The following LPP variants were observed in gnomAD, a reference collection of about 807,000 sequenced individuals.
The protein encoded by LPP is lipoma-preferred partner.
In LPP, 38 loss-of-function variants were observed where a neutral mutation model predicts 60.4. The observed-to-expected ratio is 0.63, with a 90% CI of 0.49 to 0.83. LPP has a LOEUF of 0.83. LPP is among the 40% of genes least tolerant of loss of function. The probability of loss-of-function intolerance (pLI) is 0.00; values close to 1 mark genes in which losing one functional copy is unlikely to be tolerated. For synonymous variants in LPP, 328 were observed against 290.8 expected (o/e 1.13, Z -1.30); for missense variants, 902 against 783.6 (o/e 1.15, Z -1.80).
At chr3:188,593,065 G>C (rs1296637233) in intron 6 of LPP, among the ~76,000 whole-genome samples, 1 of 151,744 alleles carries the variant, frequency 6.6e-6, no homozygotes, top group Non-Finnish European at 1.5e-5. Context: ...ATGTTTTTCT[G>C]ATTCATTTAT....
At chr3:188,588,677 T>C (rs7627364) in intron 6 of LPP, among the ~76,000 whole-genome samples, 148,830 of 152,322 alleles carry the variant, frequency 0.98, 72,799 homozygotes, top group Middle Eastern at 1. Context: ...ACTAGTAGAT[T>C]GTATGTACTA....
chr3:188,846,893 A>G (rs1480756189), intron 9 of LPP, among the ~76,000 whole-genome samples: 1 of 152,086 alleles, frequency 6.6e-6, no homozygotes, highest in East Asian at 1.9e-4. Context: ...GAGTTTATGA[A>G]CTTGCCTGTG....
chr3:188,694,493 G>A (rs1366510797), intron 7 of LPP, among the ~76,000 whole-genome samples: 1 of 151,874 alleles, frequency 6.6e-6, no homozygotes, highest in Non-Finnish European at 1.5e-5. Context: ...ACCTGAGGTT[G>A]GGAGTTGGAG....
intron 7 of LPP, among the ~76,000 whole-genome samples, chr3:188,638,907 G>A (rs1487497521): frequency 6.6e-6 from 1 of 152,156 alleles, no homozygotes; most frequent in African/African-American, 2.4e-5. Context: ...TCATGGATAA[G>A]AAGAATCAAT....
chr3:188,334,419 T>C (rs1351820251), intron 2 of LPP, among the ~76,000 whole-genome samples: 4 of 132,914 alleles, frequency 3.0e-5, no homozygotes, highest in African/African-American at 1.2e-4. Context: ...ACGATATTTC[T>C]TTCTTTTTTT....
At chr3:188,427,206 T>C (rs562286154) in intron 4 of LPP, among the ~76,000 whole-genome samples, 4 of 152,376 alleles carry the variant, frequency 2.6e-5, no homozygotes, top group African/African-American at 9.6e-5. Flanking sequence ...TCTTCTTCAC[T>C]TATGAAGCTT....
At chr3:188,492,908 T>A (rs1199670223) in intron 5 of LPP, among the ~76,000 whole-genome samples, 1 of 152,262 alleles carries the variant, frequency 6.6e-6, no homozygotes, top group Non-Finnish European at 1.5e-5. Context: ...GTAACATTTT[T>A]AACTTTATAG....
intron 9 of LPP, among the ~76,000 whole-genome samples, chr3:188,763,038 GA>G (rs1330326448): frequency 6.6e-6 from 1 of 152,098 alleles, no homozygotes; most frequent in Non-Finnish European, 1.5e-5. Flanking sequence ...TTGGGCAAAT[GA>G]AATAAAACAA....
At chr3:188,835,222 C>A (rs1467223935) in intron 9 of LPP, among the ~76,000 whole-genome samples, 5 of 151,274 alleles carry the variant, frequency 3.3e-5, no homozygotes, top group Non-Finnish European at 7.4e-5. Context: ...ATTTTGGAGG[C>A]CGAGGGGGGC....
chr3:188,425,748 G>A (rs1391319774), intron 4 of LPP, among the ~76,000 whole-genome samples: 1 of 151,814 alleles, frequency 6.6e-6, no homozygotes, highest in Non-Finnish European at 1.5e-5. Context: ...AGGTGTTTAT[G>A]GTATTATTTA....
chr3:188,883,234 A>T lies in LPP; in HGVS notation c.*8755A>T, dbSNP rs976270966. 9.3e-6 allele frequency: 2 copies of T among 214,154 alleles called. No homozygotes were observed. Among genetic ancestry groups the T allele is most frequent in the Admixed American group, 5.9e-5 (1 of 17,084 alleles). 13.3% of individuals were successfully genotyped at this position (214,154 alleles called of 1,614,324 possible). A position where few individuals can be genotyped will look rare whatever the true frequency, so the allele number is the denominator to read the frequency against. ...TTTGGGCATTGCATTACTTTTTTGA[A>T]TTTTTAAGAATCTCTAAAATTAGTC... On this transcript the variant is annotated 3_prime_UTR_variant, in exon 12 of 12. Coordinates refer to ENST00000617246, the MANE Select transcript of LPP (RefSeq NM_001375462.1).
chr3:188,563,546 A>G lies in LPP; in HGVS notation c.429+38759A>G, dbSNP rs187372129. On this transcript the variant is annotated intron_variant, in intron 6 of 11. Transcript: ENST00000617246. ...GGATCTTTTCATGTCAGTAAAAAGG[A>G]TTTGCCATACTATTTTTAATTCTGT... Among the ~76,000 whole-genome samples the G allele has an allele frequency of 4.0e-3, 586 of 148,262 alleles. 5 individuals are homozygous for G. The highest frequency in any genetic ancestry group is 7.2e-3 in the Middle Eastern group (2 of 276).
At chr3:188,406,782 C>T (rs993509518) in intron 4 of LPP, among the ~76,000 whole-genome samples, 3 of 152,182 alleles carry the variant, frequency 2.0e-5, no homozygotes, top group African/African-American at 4.8e-5. Context: ...TTTTTCTTCC[C>T]TTAGGCTGCT....
chr3:188,232,145 T>C (rs1720223094), intron 2 of LPP, among the ~76,000 whole-genome samples: 1 of 152,124 alleles, frequency 6.6e-6, no homozygotes, highest in African/African-American at 2.4e-5. Context: ...AGATGACAGG[T>C]TCCCTTAGAG....
intron 4 of LPP, among the ~76,000 whole-genome samples, chr3:188,450,928 G>A (rs1796445925): frequency 6.6e-6 from 1 of 152,080 alleles, no homozygotes; most frequent in South Asian, 2.1e-4. Flanking sequence ...ACTGTCGTGA[G>A]CATTTTGTAT....
chr3:188,397,579 C>T (rs535121472), intron 3 of LPP, among the ~76,000 whole-genome samples: 10 of 151,762 alleles, frequency 6.6e-5, no homozygotes, highest in Non-Finnish European at 1.3e-4. Context: ...AGTGAAAGTG[C>T]AGCGTGGAGG....
intron 3 of LPP, among the ~76,000 whole-genome samples, chr3:188,376,670 C>G (rs1775199647): frequency 6.6e-6 from 1 of 152,134 alleles, no homozygotes; most frequent in African/African-American, 2.4e-5. Flanking sequence ...ATTTGCCAGT[C>G]TGTGTCTTTT....
chr3:188,260,245 G>T (rs770646742), intron 2 of LPP, among the ~76,000 whole-genome samples: 1 of 152,030 alleles, frequency 6.6e-6, no homozygotes, highest in Non-Finnish European at 1.5e-5. Context: ...GTTTCACCAT[G>T]TTGGCCAGAC....
At position 188,545,184 on chromosome 3, in the gene LPP, G is replaced by A. The variant is rs903791392; in HGVS notation, c.429+20397G>A. 3.0e-5 allele frequency among the ~76,000 whole-genome samples: 4 copies of A among 134,288 alleles called. No individual in the cohort carries two copies. The Admixed American group carries it at 3.0e-4, about 10-fold the overall frequency. 88.1% of individuals were successfully genotyped at this position (134,288 alleles called of 152,430 possible). On this transcript the variant is annotated intron_variant, in intron 6 of 11. Coordinates refer to ENST00000617246, the MANE Select transcript of LPP (RefSeq NM_001375462.1). ...ACACGTTAGTGGGTGCAGCGTACCA[G>A]CATGGCACATGTATACATATGTAAC...
Sources: allele counts gnomAD v4.1 joint callset (sites outside exome capture counted in the v4.1 genomes callset), GRCh38; gene constraint gnomAD v4.1.1; transcripts MANE v1.5; gene names NCBI Gene and HGNC (gene_info 2026-07-23, HGNC 2026-07-21).